The following RABGAP1 variants were observed in gnomAD, a reference collection of about 807,000 sequenced individuals.
RABGAP1 encodes the protein rab GTPase-activating protein 1.
A neutral mutation model predicts 137.6 loss-of-function variants in RABGAP1; 23 were observed. The ratio of observed to expected loss-of-function variants is 0.17; its 90% CI spans 0.12 to 0.24. RABGAP1 has a LOEUF of 0.24. Among genes scored for constraint, RABGAP1 ranks in the 10% least tolerant of loss-of-function variants. RABGAP1 has a pLI of 1.00. For missense variants in RABGAP1, 906 were observed against 1,275.8 expected (o/e 0.71, Z 4.42); for synonymous variants, 451 against 450.7 (o/e 1.00, Z -0.01).
chr9:123,073,760 A>C (rs1473698265), intron 16 of RABGAP1, 83 bp downstream of exon 16: 2 of 1,563,434 alleles, frequency 1.3e-6, no homozygotes, highest in African/African-American at 2.7e-5. Context: ...GCCAGGGAGC[A>C]TTGGTAATTG....
intron 2 of RABGAP1, among the ~76,000 whole-genome samples, chr9:122,981,806 T>G (rs1423868577): frequency 6.6e-6 from 1 of 152,200 alleles, no homozygotes; most frequent in African/African-American, 2.4e-5. Flanking sequence ...CCTAGCACTT[T>G]GGGAGGCCAA....
At chr9:122,974,415 CTTTTTT>C (rs11331973) in intron 2 of RABGAP1, among the ~76,000 whole-genome samples, 11 of 58,218 alleles carry the variant, frequency 1.9e-4, no homozygotes, top group African/African-American at 6.2e-4. Flanking sequence ...ATGGCTTTGT[CTTTTTT>C]TTTTTTTTTT....
intron 13 of RABGAP1, chr9:123,034,939 A>G (rs1249830623): frequency 1.2e-6 from 2 of 1,612,056 alleles, no homozygotes; most frequent in East Asian, 2.2e-5. Flanking sequence ...CTGTATCAGC[A>G]TTGATAGATA....
intron 2 of RABGAP1, among the ~76,000 whole-genome samples, chr9:122,975,163 G>A (rs1023495560): frequency 3.3e-5 from 5 of 152,130 alleles, no homozygotes; most frequent in Admixed American, 1.3e-4. Flanking sequence ...TCAGGAATTC[G>A]TCTTTAATTT....
chr9:122,962,520 T>TA (rs199690166), intron 2 of RABGAP1, among the ~76,000 whole-genome samples: 53 of 149,010 alleles, frequency 3.6e-4, no homozygotes, highest in East Asian at 1.8e-3. Context: ...GACTCTCTCT[T>TA]AAAAAAAAAA....
intron 1 of RABGAP1, among the ~76,000 whole-genome samples, chr9:122,953,456 C>T (rs1416754565): frequency 6.6e-6 from 1 of 150,912 alleles, no homozygotes; most frequent in African/African-American, 2.4e-5. Flanking sequence ...GGCTGGAGTG[C>T]AATGGCACAA....
At chr9:123,095,334 C>T (rs1281866758) in intron 21 of RABGAP1, among the ~76,000 whole-genome samples, 1 of 147,934 alleles carries the variant, frequency 6.8e-6, no homozygotes, top group Non-Finnish European at 1.5e-5. Flanking sequence ...TTCATTTGCT[C>T]TTTTTCTGGC....
chr9:122,938,925 C>A (rs1413127347), upstream of RABGAP1: 4 of 152,142 alleles, frequency 2.6e-5, no homozygotes, highest in South Asian at 6.2e-4. Context: ...CTGATTTCTA[C>A]AGTGAACAAG....
At chr9:123,054,991 T>G (rs1028732717) in intron 13 of RABGAP1, among the ~76,000 whole-genome samples, 1 of 152,204 alleles carries the variant, frequency 6.6e-6, no homozygotes, top group Non-Finnish European at 1.5e-5. Context: ...CTCCACCATG[T>G]CATACTGTAC....
At chr9:122,944,695 C>T (rs113748197) in intron 1 of RABGAP1, among the ~76,000 whole-genome samples, 10 of 151,872 alleles carry the variant, frequency 6.6e-5, no homozygotes, top group African/African-American at 2.4e-4. Context: ...CTCAGCTTCC[C>T]GAGTAGCTGG....
intron 1 of RABGAP1, among the ~76,000 whole-genome samples, chr9:122,945,083 A>G (rs546941835): frequency 3.8e-4 from 56 of 146,472 alleles, no homozygotes; most frequent in Admixed American, 1.5e-3. Flanking sequence ...AAAAAATTCA[A>G]GGCTCAGGAC....
At chr9:122,945,948 G>A (rs529218692) in intron 1 of RABGAP1, 41 of 152,128 alleles carry the variant, frequency 2.7e-4, no homozygotes, top group African/African-American at 7.2e-4. Flanking sequence ...ATCAGTTAAG[G>A]AAATGATATG....
chr9:123,060,894 T>A (rs375730279), intron 13 of RABGAP1, among the ~76,000 whole-genome samples: 4 of 152,218 alleles, frequency 2.6e-5, no homozygotes, highest in Admixed American at 6.5e-5. Context: ...CAAAGAGATA[T>A]ACATTTCAAG....
At chr9:122,963,537 A>G (rs1230640609) in intron 2 of RABGAP1, among the ~76,000 whole-genome samples, 2 of 151,730 alleles carry the variant, frequency 1.3e-5, no homozygotes, top group Non-Finnish European at 2.9e-5. Context: ...AAAGTCGAAG[A>G]AAAAAAAAGG....
intron 13 of RABGAP1, among the ~76,000 whole-genome samples, chr9:123,047,458 A>G (rs1199765565): frequency 6.6e-6 from 1 of 152,202 alleles, no homozygotes; most frequent in Non-Finnish European, 1.5e-5. Flanking sequence ...CCTTTAAGGC[A>G]TTACTACATA....
At chr9:123,045,110 G>A (rs975996595) in intron 13 of RABGAP1, among the ~76,000 whole-genome samples, 6 of 152,160 alleles carry the variant, frequency 3.9e-5, no homozygotes, top group African/African-American at 1.4e-4. Flanking sequence ...AAATATAAAA[G>A]TAATCATATT....
At chr9:123,064,928 T>C (rs141432764) in intron 13 of RABGAP1, among the ~76,000 whole-genome samples, 1 of 152,338 alleles carries the variant, frequency 6.6e-6, no homozygotes, top group African/African-American at 2.4e-5. Flanking sequence ...ATTTGAAAAC[T>C]GGCATATGGG....
At chr9:122,996,443 T>C (rs1837026486) in intron 7 of RABGAP1, 96 bp from the exon 8 acceptor site, 1 of 1,255,198 alleles carries the variant, frequency 8.0e-7, no homozygotes, top group Non-Finnish European at 1.1e-6. Flanking sequence ...TGTGTTCTCT[T>C]TTCTATCAGC....
At chr9:123,067,110 A>G (rs963442962) in intron 14 of RABGAP1, among the ~76,000 whole-genome samples, 4 of 152,236 alleles carry the variant, frequency 2.6e-5, no homozygotes, top group Non-Finnish European at 5.9e-5. Flanking sequence ...GCTAGTTAGA[A>G]TCAAGAGCCA....
Sources: gnomAD v4.1 joint callset for allele counts (sites outside exome capture counted in the v4.1 genomes callset) on GRCh38, gnomAD v4.1.1 for gene constraint, MANE v1.5 for transcripts, NCBI Gene and HGNC (gene_info 2026-07-23, HGNC 2026-07-21) for gene names.